CBFA2T3: variants seen among roughly 807,000 people sequenced by gnomAD.
CBFA2T3 encodes the protein transcriptional corepressor CBFA2T3.
In CBFA2T3, 31 loss-of-function variants were observed where a neutral mutation model predicts 58.6. The observed-to-expected ratio is 0.53, with a 90% CI of 0.40 to 0.71. CBFA2T3 has a LOEUF of 0.71. Ranked by LOEUF, CBFA2T3 falls within the 30% of genes least tolerant of loss-of-function variation. The pLI, the probability that CBFA2T3 is intolerant of heterozygous loss-of-function variation, is 0.00. For missense variants in CBFA2T3, 1,076 were observed against 963.1 expected (o/e 1.12, Z -1.55); for synonymous variants, 531 against 421.9 (o/e 1.26, Z -3.17).
chr16:88,922,948 G>A (rs896172150), intron 1 of CBFA2T3, among the ~76,000 whole-genome samples: 17 of 152,228 alleles, frequency 1.1e-4, no homozygotes, highest in Admixed American at 1.0e-3. Context: ...AAGGCCCAGA[G>A]AGGAAGGAAC....
At position 88,901,620 on chromosome 16, in the gene CBFA2T3, G is replaced by T; in HGVS notation, c.188C>A (p.Pro63Gln). Reference protein sequence around the residue: ...VDRKAKASAMPDSPAEVKTQP... With the variant: ...VDRKAKASAMQDSPAEVKTQP... ...CGTCTTCACCTCCGCTGGGGAGTCCGGCATCGCTGAGGCCTTAGCTTTCCT... is the reference window on the plus strand; with the variant it reads ...CGTCTTCACCTCCGCTGGGGAGTCCTGCATCGCTGAGGCCTTAGCTTTCCT... The change falls in exon 2 of 12, where the codon CCG becomes CAG. Residue 63 changes from proline (P) to glutamine (Q), a missense_variant. Pro to Gln is a moderately conservative substitution (Grantham distance 76, BLOSUM62 -1). Transcript: ENST00000268679. The T allele has an allele frequency of 6.5e-7, 1 of 1,526,804 alleles. No individual in the cohort carries two copies. The allele number at this position is 1,526,804 out of a possible 1,614,324, so 94.6% of individuals were successfully genotyped here. A position where few individuals can be genotyped will look rare whatever the true frequency, so the allele number is the denominator to read the frequency against.
intron 8 of CBFA2T3, 76 bp downstream of exon 8, chr16:88,882,592 ATGGCTGTG>A (rs1969163986): frequency 7.1e-6 from 5 of 701,786 alleles, no homozygotes; most frequent in Non-Finnish European, 1.1e-5. Context: ...CTGTGTGTGC[ATGGCTGTG>A]TGTGCGTGGC....
intron 1 of CBFA2T3, among the ~76,000 whole-genome samples, chr16:88,902,875 C>T (rs1229469123): frequency 6.6e-6 from 1 of 152,248 alleles, no homozygotes; most frequent in South Asian, 2.1e-4. Flanking sequence ...GACTGCCCCG[C>T]ACCCTGCTCC....
chr16:88,927,214 G>C (rs1018882710), intron 1 of CBFA2T3, among the ~76,000 whole-genome samples: 3 of 152,220 alleles, frequency 2.0e-5, no homozygotes, highest in African/African-American at 4.8e-5. Flanking sequence ...GGGTCAGATG[G>C]AGGCGTGGCT....
At chr16:88,948,336 G>C (rs1971959683) in intron 1 of CBFA2T3, among the ~76,000 whole-genome samples, 1 of 152,258 alleles carries the variant, frequency 6.6e-6, no homozygotes, top group African/African-American at 2.4e-5. Flanking sequence ...CAAGGCACCA[G>C]GCTGGCCCCA....
chr16:88,878,513 C>T (rs995021420), intron 11 of CBFA2T3, among the ~76,000 whole-genome samples: 2 of 152,256 alleles, frequency 1.3e-5, no homozygotes, highest in Non-Finnish European at 2.9e-5. Flanking sequence ...CCTCTGCCCC[C>T]GCCTGCCTCC....
chr16:88,910,816 C>T (rs1251594848), intron 1 of CBFA2T3, among the ~76,000 whole-genome samples: 1 of 152,184 alleles, frequency 6.6e-6, no homozygotes, highest in Non-Finnish European at 1.5e-5. Flanking sequence ...TCTTGGCAGG[C>T]TCTAGGACAG....
intron 1 of CBFA2T3, among the ~76,000 whole-genome samples, chr16:88,952,219 A>C (rs1200541156): frequency 6.6e-6 from 1 of 152,192 alleles, no homozygotes; most frequent in African/African-American, 2.4e-5. Context: ...TCCAAACCGC[A>C]TGCATCCCGG....
intron 1 of CBFA2T3, among the ~76,000 whole-genome samples, chr16:88,941,548 T>G: frequency 6.9e-6 from 1 of 144,846 alleles, no homozygotes; most frequent in African/African-American, 2.5e-5. Context: ...GAACTGGCCG[T>G]GGGGGCCGGG....
rs115447803 is a variant in CBFA2T3 at position 88,943,260 on chromosome 16, C to T, written c.151+33397G>A. Among the ~76,000 whole-genome samples, 758 of 152,330 alleles carry T rather than the reference C, an allele frequency of 5.0e-3. 9 individuals are homozygous for T. The highest frequency in any genetic ancestry group is 0.018 in the African/African-American group (738 of 41,572). On this transcript the variant is annotated intron_variant, in intron 1 of 11. Coordinates refer to ENST00000268679, the MANE Select transcript of CBFA2T3 (RefSeq NM_005187.6). Reference sequence around the variant, plus strand: ...TGTGGCTGCCCACAGGGCCTGGGAGCAGAAGCTGGCCTGGACCTGGGCCGG... The same window carrying T: ...TGTGGCTGCCCACAGGGCCTGGGAGTAGAAGCTGGCCTGGACCTGGGCCGG...
At chr16:88,949,678 C>T (rs1167178437) in intron 1 of CBFA2T3, among the ~76,000 whole-genome samples, 5 of 151,942 alleles carry the variant, frequency 3.3e-5, no homozygotes, top group Admixed American at 6.6e-5. Context: ...CTCAAAATAA[C>T]GCTCAACAAA....
chr16:88,893,594 C>T (rs1370467862), intron 3 of CBFA2T3, among the ~76,000 whole-genome samples: 2 of 152,228 alleles, frequency 1.3e-5, no homozygotes, highest in Non-Finnish European at 2.9e-5. Context: ...GATGCCCGTG[C>T]ACACAGGCCA....
chr16:88,894,898 C>T (rs1391974355), intron 3 of CBFA2T3, among the ~76,000 whole-genome samples: 6 of 151,004 alleles, frequency 4.0e-5, no homozygotes, highest in African/African-American at 7.4e-5. Context: ...GCTGGTGCAG[C>T]GGCTCCCCCT....
At chr16:88,954,176 C>T (rs1475738351) in intron 1 of CBFA2T3, among the ~76,000 whole-genome samples, 1 of 152,148 alleles carries the variant, frequency 6.6e-6, no homozygotes, top group African/African-American at 2.4e-5. Context: ...CCAGCCACCA[C>T]GATGGTACCC....
chr16:88,905,704 CGGGGCTGGAGGG>C (rs1970292332), intron 1 of CBFA2T3, among the ~76,000 whole-genome samples: 1 of 56,830 alleles, frequency 1.8e-5, no homozygotes. Context: ...GAAGGAGGGG[CGGGGCTGGAGGG>C]GCGGGGCTGA....
At chr16:88,921,447 G>A (rs951222712) in intron 1 of CBFA2T3, among the ~76,000 whole-genome samples, 1 of 152,248 alleles carries the variant, frequency 6.6e-6, no homozygotes, top group Admixed American at 6.5e-5. Flanking sequence ...GGGAGGTGGT[G>A]GCACGTGGCC....
chr16:88,960,739 A>AC (rs1972335378), intron 1 of CBFA2T3, among the ~76,000 whole-genome samples: 2 of 151,852 alleles, frequency 1.3e-5, no homozygotes, highest in African/African-American at 4.8e-5. Flanking sequence ...GGCCTGGGCC[A>AC]CCCGCCTCTG....
intron 5 of CBFA2T3, among the ~76,000 whole-genome samples, chr16:88,888,012 T>C (rs1597671007): frequency 6.6e-6 from 1 of 152,188 alleles, no homozygotes; most frequent in Non-Finnish European, 1.5e-5. Flanking sequence ...GGGCTGGTCA[T>C]TTAACCTCTC....
chr16:88,902,009 G>A (rs545316509), intron 1 of CBFA2T3, among the ~76,000 whole-genome samples: 6 of 152,332 alleles, frequency 3.9e-5, no homozygotes, highest in South Asian at 2.1e-4. Context: ...CCACCTCCAT[G>A]AGCATCCCCC....
Sources: allele counts gnomAD v4.1 joint callset (sites outside exome capture counted in the v4.1 genomes callset), GRCh38; gene constraint gnomAD v4.1.1; transcripts MANE v1.5; gene names NCBI Gene and HGNC (gene_info 2026-07-23, HGNC 2026-07-21).